Variants in MOB1A observed in about 807,000 individuals in gnomAD.
MOB1A encodes the protein MOB kinase activator 1A, also known as MOB1 Mps One Binder homolog A.
A neutral mutation model predicts 25.1 loss-of-function variants in MOB1A; 10 were observed. The ratio of observed to expected loss-of-function variants is 0.40; its 90% CI spans 0.25 to 0.68. The LOEUF (loss-of-function observed/expected upper bound fraction) is 0.68, where lower values mean the gene tolerates loss of function less well. Among genes scored for constraint, MOB1A ranks in the 30% least tolerant of loss-of-function variants. The pLI, the probability that MOB1A is intolerant of heterozygous loss-of-function variation, is 0.40. For synonymous variants in MOB1A, 81 were observed against 79.5 expected, an observed-to-expected ratio of 1.02 and a Z score of -0.10; for missense variants, 177 against 256.3, an observed-to-expected ratio of 0.69 and a Z score of 2.11.
chr2:74,162,730 A>G (rs941673507), intron 4 of MOB1A, among the ~76,000 whole-genome samples: 1 of 151,974 alleles, frequency 6.6e-6, no homozygotes, highest in Non-Finnish European at 1.5e-5. Context: ...TTGGAAAAAA[A>G]CTGTTGTCCT....
At chr2:74,176,750 C>CAAG in intron 1 of MOB1A, among the ~76,000 whole-genome samples, 1 of 138,180 alleles carries the variant, frequency 7.2e-6, no homozygotes, top group East Asian at 2.2e-4. Flanking sequence ...GGCGACAGAG[C>CAAG]AAGACTCTGT....
chr2:74,162,446 C>T (rs965268656), intron 4 of MOB1A, among the ~76,000 whole-genome samples: 2 of 152,058 alleles, frequency 1.3e-5, no homozygotes, highest in African/African-American at 4.8e-5. Flanking sequence ...TGTGCCACTG[C>T]CCTCCAGCCT....
chr2:74,171,007 C>T (rs1202875540), intron 2 of MOB1A, among the ~76,000 whole-genome samples: 3 of 152,056 alleles, frequency 2.0e-5, no homozygotes, highest in East Asian at 1.9e-4. Flanking sequence ...TGGCCAGGTG[C>T]GGTGGCTCAC....
chr2:74,160,733 C>T (rs191226493), intron 4 of MOB1A, among the ~76,000 whole-genome samples: 1 of 150,762 alleles, frequency 6.6e-6, no homozygotes, highest in Admixed American at 6.6e-5. Context: ...TAGAAAACAA[C>T]GGGGGTAGAG....
rs1325436182 is a variant in MOB1A at position 74,154,568 on chromosome 2, A to G, written c.*2000T>C. On this transcript the variant is annotated 3_prime_UTR_variant, in exon 6 of 6. Transcript: ENST00000396049. ...GGAACATTTCCATAACTGAAAATAA[A>G]TGGAGAAAAGTGGTAACTCTTTTGT... 6.6e-6 allele frequency: 1 copy of G among 151,358 alleles called. No individual in the cohort carries two copies. Among genetic ancestry groups the G allele is most frequent in the Non-Finnish European group, 1.5e-5 (1 of 67,888 alleles). The allele number at this position is 151,358 out of a possible 1,614,324, so 9.4% of individuals were successfully genotyped here.
chr2:74,178,202 C>G (rs1193742008), intron 1 of MOB1A: 1 of 153,150 alleles, frequency 6.5e-6, no homozygotes, highest in Non-Finnish European at 1.5e-5. Context: ...AGGCCAGCAT[C>G]TTAACTTCAA....
intron 2 of MOB1A, among the ~76,000 whole-genome samples, chr2:74,171,358 C>A (rs1406620914): frequency 1.3e-5 from 2 of 151,930 alleles, no homozygotes; most frequent in Non-Finnish European, 2.9e-5. Flanking sequence ...AATGTGAACA[C>A]TGACCAGATA....
intron 5 of MOB1A, among the ~76,000 whole-genome samples, chr2:74,158,237 C>T (rs1692858843): frequency 7.0e-6 from 1 of 143,034 alleles, no homozygotes; most frequent in African/African-American, 2.6e-5. Context: ...AAACTACAAA[C>T]TGAATTTTTG....
chr2:74,161,889 C>G (rs1433343608), intron 4 of MOB1A, among the ~76,000 whole-genome samples: 1 of 150,474 alleles, frequency 6.6e-6, no homozygotes, highest in African/African-American at 2.5e-5. Context: ...CCTGGGAGGT[C>G]AAGTCCACAG....
chr2:74,174,389 A>G (rs550389339), intron 1 of MOB1A, among the ~76,000 whole-genome samples: 5 of 152,260 alleles, frequency 3.3e-5, no homozygotes, highest in African/African-American at 9.6e-5. Context: ...TGAGCCCAGG[A>G]GTTTGAGACC....
Position 74,172,570 on chromosome 2 carries a change from A to C in MOB1A, c.181+16T>G. ...AACCTTTCTAGAAAACAGCAAAGTT[A>C]CATTTTAAAACTTACTGTTCACAGC... is the stretch of plus-strand genomic sequence containing the variant. On this transcript the variant is annotated intron_variant, in intron 2 of 5. Transcript: ENST00000396049. 1 of 1,590,630 alleles carries C rather than the reference A, an allele frequency of 6.3e-7. No homozygotes were observed. Among genetic ancestry groups the C allele is most frequent in the Non-Finnish European group, 8.5e-7 (1 of 1,172,022 alleles).
chr2:74,168,625 C>A (rs556156014), intron 2 of MOB1A, among the ~76,000 whole-genome samples: 1 of 152,160 alleles, frequency 6.6e-6, no homozygotes, highest in Non-Finnish European at 1.5e-5. Context: ...CCTGGACAAC[C>A]CTGTCTCGAA....
intron 1 of MOB1A, chr2:74,173,203 T>C (rs779229207): frequency 1.2e-5 from 6 of 516,886 alleles, no homozygotes; most frequent in Non-Finnish European, 2.3e-5. Context: ...ACAAGAATGC[T>C]TTTTTTCCCC....
chr2:74,154,947 T>C lies in MOB1A; in HGVS notation c.*1621A>G, dbSNP rs1312109579. The stretch of plus-strand genomic sequence containing the variant: ...AATGTTTTCTTTAAAATTCTGTATA[T>C]ATTTAAGAATTTCTAGGAAATGATT... On this transcript the variant is annotated 3_prime_UTR_variant, in exon 6 of 6. Coordinates refer to ENST00000396049, the MANE Select transcript of MOB1A (RefSeq NM_018221.5). 6.6e-6 allele frequency: 1 copy of C among 152,258 alleles called. No homozygotes were observed. Among genetic ancestry groups the C allele is most frequent in the African/African-American group, 2.4e-5 (1 of 41,480 alleles). The allele number at this position is 152,258 out of a possible 1,614,324, so 9.4% of individuals were successfully genotyped here. A position where few individuals can be genotyped will look rare whatever the true frequency, so the allele number is the denominator to read the frequency against.
chr2:74,167,340 G>A (rs1283587700), intron 2 of MOB1A, among the ~76,000 whole-genome samples: 1 of 152,064 alleles, frequency 6.6e-6, no homozygotes, highest in Non-Finnish European at 1.5e-5. Flanking sequence ...CCGCTTCCCG[G>A]GTTCAAGCAA....
Position 74,156,434 on chromosome 2 carries a change from T to A in MOB1A, c.*134A>T. 1.4e-6 allele frequency: 1 copy of A among 733,990 alleles called. No homozygotes were observed. Among genetic ancestry groups the A allele is most frequent in the Non-Finnish European group, 2.3e-6 (1 of 430,574 alleles). The allele number at this position is 733,990 out of a possible 1,614,324, so 45.5% of individuals were successfully genotyped here. A position where few individuals can be genotyped will look rare whatever the true frequency, so the allele number is the denominator to read the frequency against. ...CCAACCTACCTTTGGGATAATTTTA[T>A]CAGTAGACACAGGCAATGGGTATCT... On this transcript the variant is annotated 3_prime_UTR_variant, in exon 6 of 6. Coordinates refer to ENST00000396049, the MANE Select transcript of MOB1A (RefSeq NM_018221.5).
chr2:74,178,124 G>C (rs1693529004), intron 1 of MOB1A: 1 of 152,304 alleles, frequency 6.6e-6, no homozygotes, highest in Admixed American at 6.5e-5. Context: ...CCGAGGACAA[G>C]AGAAGTTGGT....
intron 2 of MOB1A, among the ~76,000 whole-genome samples, chr2:74,169,379 G>C (rs1329340709): frequency 6.6e-6 from 1 of 152,092 alleles, no homozygotes; most frequent in Non-Finnish European, 1.5e-5. Flanking sequence ...GCACATGCCT[G>C]TAATCCCAGC....
chr2:74,178,593 A>C (rs1322979893), intron 1 of MOB1A, 68 bp downstream of exon 1: 1 of 1,207,322 alleles, frequency 8.3e-7, no homozygotes, highest in Non-Finnish European at 1.1e-6. Context: ...CCCTCGCCTC[A>C]GGTCCGGGGA....
Sources: gnomAD v4.1 joint callset for allele counts (sites outside exome capture counted in the v4.1 genomes callset) on GRCh38, gnomAD v4.1.1 for gene constraint, MANE v1.5 for transcripts, NCBI Gene and HGNC (gene_info 2026-07-23, HGNC 2026-07-21) for gene names.